The following LGSN variants were observed in gnomAD, a reference collection of about 807,000 sequenced individuals.
The protein encoded by LGSN is lengsin.
Under a neutral mutation model 19.5 loss-of-function variants are expected in LGSN, and 21 were observed. The ratio of observed to expected loss-of-function variants is 1.07; its 90% CI spans 0.76 to 1.55. LGSN has a LOEUF of 1.55. Among genes scored for constraint, LGSN ranks in the 40% most tolerant of loss-of-function variants. The pLI, the probability that LGSN is intolerant of heterozygous loss-of-function variation, is 0.00. For missense variants in LGSN, 673 were observed against 608.5 expected, an observed-to-expected ratio of 1.11 and a Z score of -1.12; for synonymous variants, 257 against 215.6, an observed-to-expected ratio of 1.19 and a Z score of -1.68.
At chr6:63,384,934 G>A in the LGSN span, among the ~76,000 whole-genome samples, 11 of 152,200 alleles carry the variant, frequency 7.2e-5, no homozygotes, top group African/African-American at 2.7e-4. Context: ...AGACACCAGG[G>A]ATAAGCAAAC....
chr6:63,342,421 T>C, the LGSN span, among the ~76,000 whole-genome samples: 925 of 152,362 alleles, frequency 6.1e-3, 7 homozygotes, highest in African/African-American at 0.02. Context: ...TGTTAAAAAT[T>C]ATTTAAAATA....
At chr6:63,297,862 C>T (rs1181567002) in intron 1 of LGSN, among the ~76,000 whole-genome samples, 1 of 152,222 alleles carries the variant, frequency 6.6e-6, no homozygotes, top group Non-Finnish European at 1.5e-5. Context: ...TTCTACCAAT[C>T]ACAGTGTTTC....
At chr6:63,542,920 T>C in the LGSN span, among the ~76,000 whole-genome samples, 7 of 152,190 alleles carry the variant, frequency 4.6e-5, no homozygotes, top group African/African-American at 1.7e-4. Flanking sequence ...TCCTAACCCT[T>C]GCAAACCATT....
At chr6:63,307,875 C>A (rs1271855800) in intron 1 of LGSN, among the ~76,000 whole-genome samples, 1 of 152,140 alleles carries the variant, frequency 6.6e-6, no homozygotes, top group Non-Finnish European at 1.5e-5. Context: ...AATAGGGGAA[C>A]CTCTCAGAAT....
chr6:63,369,396 C>T, the LGSN span, among the ~76,000 whole-genome samples: 1 of 152,152 alleles, frequency 6.6e-6, no homozygotes, highest in East Asian at 1.9e-4. Context: ...TACTGAAAGG[C>T]TCCTGTTGTA....
At chr6:63,416,932 T>C in the LGSN span, among the ~76,000 whole-genome samples, 1 of 147,818 alleles carries the variant, frequency 6.8e-6, no homozygotes, top group East Asian at 2.0e-4. Flanking sequence ...CATATGTATG[T>C]ACACACACAC....
At chr6:63,329,373 G>A in the LGSN span, among the ~76,000 whole-genome samples, 1 of 152,334 alleles carries the variant, frequency 6.6e-6, no homozygotes, top group South Asian at 2.1e-4. Flanking sequence ...ATTTGAGAGA[G>A]CAGGGTATAG....
chr6:63,337,049 G>T, the LGSN span, among the ~76,000 whole-genome samples: 2 of 151,286 alleles, frequency 1.3e-5, no homozygotes, highest in South Asian at 4.2e-4. Flanking sequence ...TCAGCCTCCC[G>T]AGTAGCTGGG....
At chr6:63,336,151 ATAG>A in the LGSN span, among the ~76,000 whole-genome samples, 3 of 152,238 alleles carry the variant, frequency 2.0e-5, no homozygotes, top group African/African-American at 7.2e-5. Flanking sequence ...TATAATGTTG[ATAG>A]TAGAGTAAGG....
chr6:63,512,678 T>A, the LGSN span, among the ~76,000 whole-genome samples: 1 of 152,132 alleles, frequency 6.6e-6, no homozygotes, highest in Non-Finnish European at 1.5e-5. Context: ...GGGTCTATCT[T>A]CCCTCAGATA....
the LGSN span, among the ~76,000 whole-genome samples, chr6:63,336,772 G>A: frequency 1.3e-5 from 2 of 150,766 alleles, no homozygotes; most frequent in Non-Finnish European, 1.5e-5. Flanking sequence ...GAGATTACAG[G>A]TGTGCATTAC....
At chr6:63,431,574 C>G in the LGSN span, among the ~76,000 whole-genome samples, 5 of 152,272 alleles carry the variant, frequency 3.3e-5, no homozygotes, top group African/African-American at 1.2e-4. Context: ...ATTACTTAAT[C>G]CCCATGAGCT....
At chr6:63,390,392 A>G in the LGSN span, among the ~76,000 whole-genome samples, 1 of 151,454 alleles carries the variant, frequency 6.6e-6, no homozygotes, top group Non-Finnish European at 1.5e-5. Flanking sequence ...GGCCTCCCAA[A>G]GTGCTGGGAT....
chr6:63,545,885 AAATAAAAATAAACCTGGTTCTG>A, the LGSN span, among the ~76,000 whole-genome samples: 1 of 152,222 alleles, frequency 6.6e-6, no homozygotes, highest in Admixed American at 6.5e-5. Flanking sequence ...AAAGAAAGAA[AAATAAAAATAAACCTGGTTCTG>A]TTATTCAAAA....
chr6:63,353,677 T>C, the LGSN span, among the ~76,000 whole-genome samples: 1 of 150,604 alleles, frequency 6.6e-6, no homozygotes, highest in East Asian at 1.9e-4. Flanking sequence ...AAAAAGAGCC[T>C]GAGTAGCCAA....
At chr6:63,365,611 AAAG>A in the LGSN span, among the ~76,000 whole-genome samples, 19,730 of 152,092 alleles carry the variant, frequency 0.13, 2,811 homozygotes, top group African/African-American at 0.35. Flanking sequence ...TCCTGATACC[AAAG>A]TCTGGCAGAG....
rs185550409 is a variant in LGSN, at chr6:63,298,570, G to C, written c.31-3525C>G. 5.3e-5 allele frequency among the ~76,000 whole-genome samples: 8 copies of C among 152,222 alleles called. No individual in the cohort carries two copies. In the East Asian group the frequency reaches 1.5e-3, roughly 29 times the overall value. On this transcript the variant is annotated intron_variant, in intron 1 of 3. Transcript: ENST00000370657. ...TTCGGCTTAGTTGATCAAGATGTGA[G>C]AGCCAAAACCAATTTTCAATATAAA...
At chr6:63,517,632 A>G in the LGSN span, among the ~76,000 whole-genome samples, 4 of 152,254 alleles carry the variant, frequency 2.6e-5, no homozygotes, top group African/African-American at 9.6e-5. Context: ...CAACACACAC[A>G]CACATGCACA....
At chr6:63,420,487 C>CTCTA in the LGSN span, among the ~76,000 whole-genome samples, 1 of 152,218 alleles carries the variant, frequency 6.6e-6, no homozygotes, top group African/African-American at 2.4e-5. Flanking sequence ...TAACTGGCTA[C>CTCTA]TCTAACACCT....
Sources: allele counts gnomAD v4.1 joint callset (sites outside exome capture counted in the v4.1 genomes callset), GRCh38; gene constraint gnomAD v4.1.1; transcripts MANE v1.5; gene names NCBI Gene and HGNC (gene_info 2026-07-23, HGNC 2026-07-21).